PHLPP1: variants seen among roughly 807,000 people sequenced by gnomAD.
PHLPP1 encodes the protein PH domain and leucine rich repeat protein phosphatase 1.
PHLPP1 carries 42 observed loss-of-function variants against 117.2 expected under a neutral mutation model. The observed-to-expected ratio is 0.36, with a 90% confidence interval of 0.28 to 0.46. The LOEUF is 0.46. Among genes scored for constraint, PHLPP1 ranks in the 20% least tolerant of loss-of-function variants. The pLI is 1.00. For missense variants in PHLPP1, 2,084 were observed against 2,241.9 expected (o/e 0.93, Z 1.42); for synonymous variants, 1,042 against 970.7 (o/e 1.07, Z -1.37).
chr18:62,923,564 C>T (rs1909538943), intron 10 of PHLPP1, among the ~76,000 whole-genome samples: 1 of 152,002 alleles, frequency 6.6e-6, no homozygotes, highest in Non-Finnish European at 1.5e-5. Context: ...TATTAGTTCA[C>T]TTGTTAGAAG....
intron 14 of PHLPP1, among the ~76,000 whole-genome samples, chr18:62,967,705 CTG>C (rs1599146044): frequency 1.3e-5 from 2 of 151,388 alleles, no homozygotes; most frequent in African/African-American, 2.4e-5. Context: ...ATTGAGATGA[CTG>C]TATGGTTTTT....
chr18:62,820,754 T>A (rs940232089), intron 1 of PHLPP1, among the ~76,000 whole-genome samples: 12 of 152,226 alleles, frequency 7.9e-5, no homozygotes, highest in Non-Finnish European at 1.6e-4. Flanking sequence ...TCTCAGGCAG[T>A]TTTTTATAGC....
chr18:62,721,786 A>C (rs965300790), intron 1 of PHLPP1, among the ~76,000 whole-genome samples: 37 of 152,180 alleles, frequency 2.4e-4, no homozygotes, highest in African/African-American at 8.9e-4. Flanking sequence ...TTGCTATAAG[A>C]TTATCAAATC....
At chr18:62,766,076 A>AAAAAAAAATATATATATATAT in intron 1 of PHLPP1, among the ~76,000 whole-genome samples, 4 of 21,658 alleles carry the variant, frequency 1.8e-4, no homozygotes, top group African/African-American at 4.5e-4. Context: ...AAAAAAAAAA[A>AAAAAAAAATATATATATATAT]ATATATATAT....
chr18:62,903,474 G>C (rs1284095539), intron 7 of PHLPP1, among the ~76,000 whole-genome samples: 2 of 152,156 alleles, frequency 1.3e-5, no homozygotes, highest in African/African-American at 4.8e-5. Flanking sequence ...CCAAGATCTA[G>C]AGATCTTTAC....
chr18:62,960,185 A>G (rs1910726896), intron 13 of PHLPP1, among the ~76,000 whole-genome samples: 1 of 152,218 alleles, frequency 6.6e-6, no homozygotes. Flanking sequence ...GTAGCCACTT[A>G]GAGAAAAATT....
At chr18:62,953,361 C>T (rs1910519242) in intron 12 of PHLPP1, among the ~76,000 whole-genome samples, 1 of 152,270 alleles carries the variant, frequency 6.6e-6, no homozygotes, top group Non-Finnish European at 1.5e-5. Flanking sequence ...GCCACACAAA[C>T]GTTATTCTTG....
intron 12 of PHLPP1, among the ~76,000 whole-genome samples, chr18:62,953,797 C>T (rs1236949302): frequency 6.6e-6 from 1 of 152,170 alleles, no homozygotes. Flanking sequence ...TTGGGATCCT[C>T]ATTTTTGGAA....
At chr18:62,827,812 C>CT (rs1294594884) in intron 1 of PHLPP1, among the ~76,000 whole-genome samples, 5 of 152,326 alleles carry the variant, frequency 3.3e-5, no homozygotes, top group African/African-American at 1.2e-4. Flanking sequence ...TTTGTCCAGT[C>CT]TGTCTGGTGA....
In PHLPP1 at chr18:62,979,269, T is replaced by TA; in HGVS notation, c.4993dup (p.Ile1665AsnfsTer69). On this transcript the variant is annotated frameshift_variant, in exon 17 of 17. Coordinates refer to ENST00000262719, the MANE Select transcript of PHLPP1 (RefSeq NM_194449.4). LOFTEE classifies it high-confidence loss of function. ...CTCAGCCGGATCCTGATGATCAGTT[T>TA]ATCATACCCCCGGAGCTGGAAGAGG... 1 of 1,572,018 alleles carries TA rather than the reference T, an allele frequency of 6.4e-7. No homozygotes were observed. Among genetic ancestry groups the TA allele is most frequent in the African/African-American group, 1.4e-5 (1 of 73,920 alleles).
intron 4 of PHLPP1, among the ~76,000 whole-genome samples, chr18:62,862,173 G>T (rs988527761): frequency 6.6e-6 from 1 of 151,424 alleles, no homozygotes; most frequent in African/African-American, 2.4e-5. Flanking sequence ...ACTGCCTCCC[G>T]CGTTCTAGTG....
At chr18:62,896,926 C>T (rs1293860374) in intron 6 of PHLPP1, among the ~76,000 whole-genome samples, 1 of 152,152 alleles carries the variant, frequency 6.6e-6, no homozygotes, top group Non-Finnish European at 1.5e-5. Flanking sequence ...ATATAAAATT[C>T]TTAATTTGGA....
chr18:62,813,511 C>T (rs1294227357), intron 1 of PHLPP1, among the ~76,000 whole-genome samples: 1 of 152,200 alleles, frequency 6.6e-6, no homozygotes, highest in African/African-American at 2.4e-5. Flanking sequence ...TTGCCTCACT[C>T]TTCTCTCTGA....
intron 1 of PHLPP1, among the ~76,000 whole-genome samples, chr18:62,828,335 A>G (rs1914666547): frequency 6.6e-6 from 1 of 152,134 alleles, no homozygotes; most frequent in Non-Finnish European, 1.5e-5. Context: ...TTGGCCTGTC[A>G]CATCTCACAT....
At chr18:62,838,684 C>T in intron 2 of PHLPP1, 100 bp from the exon 3 acceptor site, 1 of 1,172,222 alleles carries the variant, frequency 8.5e-7, no homozygotes, top group Non-Finnish European at 1.2e-6. Flanking sequence ...GGGAAACATG[C>T]AAATCCATGC....
At chr18:62,762,415 C>CTTTT (rs368710387) in intron 1 of PHLPP1, among the ~76,000 whole-genome samples, 3 of 127,854 alleles carry the variant, frequency 2.3e-5, no homozygotes, top group African/African-American at 5.7e-5. Context: ...ATTTTTTTAT[C>CTTTT]TTTTTTTTTT....
intron 1 of PHLPP1, among the ~76,000 whole-genome samples, chr18:62,741,839 G>A (rs188449940): frequency 2.2e-4 from 34 of 151,590 alleles, no homozygotes; most frequent in Non-Finnish European, 4.1e-4. Context: ...AGGAAGCCCG[G>A]CAAGTTTAAG....
chr18:62,898,931 T>G (rs1283301147), intron 6 of PHLPP1, among the ~76,000 whole-genome samples: 3 of 152,000 alleles, frequency 2.0e-5, no homozygotes, highest in Non-Finnish European at 4.4e-5. Context: ...CCCAAGTAAC[T>G]GGGATTACAG....
intron 1 of PHLPP1, among the ~76,000 whole-genome samples, chr18:62,798,152 T>C (rs1913677213): frequency 1.3e-5 from 2 of 151,978 alleles, no homozygotes; most frequent in Admixed American, 6.6e-5. Context: ...AACCCCAGAG[T>C]TTCTTATTAA....
Sources: gnomAD v4.1 joint callset for allele counts (sites outside exome capture counted in the v4.1 genomes callset) on GRCh38, gnomAD v4.1.1 for gene constraint, MANE v1.5 for transcripts, NCBI Gene and HGNC (gene_info 2026-07-23, HGNC 2026-07-21) for gene names.